CYFIP2: variants seen among roughly 807,000 people sequenced by gnomAD.
CYFIP2 encodes cytoplasmic FMR1-interacting protein 2.
A neutral mutation model predicts 158.7 loss-of-function variants in CYFIP2; 29 were observed. That is an observed-to-expected ratio of 0.18 (90% CI 0.14 to 0.25). The LOEUF is 0.25. Among genes scored for constraint, CYFIP2 ranks in the 10% least tolerant of loss-of-function variants. The pLI is 1.00. For synonymous variants in CYFIP2, 585 were observed against 617.6 expected, an observed-to-expected ratio of 0.95 and a Z score of 0.78; for missense variants, 852 against 1,639.5, an observed-to-expected ratio of 0.52 and a Z score of 8.29.
chr5:157,358,469 T>C (rs1561761930), intron 23 of CYFIP2, among the ~76,000 whole-genome samples: 1 of 152,164 alleles, frequency 6.6e-6, no homozygotes, highest in Non-Finnish European at 1.5e-5. Flanking sequence ...GCTCGAAAAC[T>C]GTAGGTGGTT....
chr5:157,389,097 C>T (rs1766994447), intron 28 of CYFIP2, 92 bp from the exon 29 acceptor site: 1 of 1,262,520 alleles, frequency 7.9e-7, no homozygotes, highest in Admixed American at 2.5e-5. Flanking sequence ...ATTTCAGGTG[C>T]AGCCAGCTCC....
intron 22 of CYFIP2, 44 bp downstream of exon 22, chr5:157,339,300 G>A (rs752520432): frequency 5.7e-6 from 9 of 1,573,614 alleles, no homozygotes; most frequent in Middle Eastern, 2.2e-4. Flanking sequence ...GGGGTTGGGG[G>A]AGTGGCCAGC....
intron 26 of CYFIP2, among the ~76,000 whole-genome samples, chr5:157,377,861 A>G (rs1765639459): frequency 6.6e-6 from 1 of 152,236 alleles, no homozygotes; most frequent in South Asian, 2.1e-4. Context: ...TTCTCAATCA[A>G]TGTTTACATG....
intron 21 of CYFIP2, among the ~76,000 whole-genome samples, chr5:157,335,927 A>C (rs1761820788): frequency 6.6e-6 from 1 of 152,150 alleles, no homozygotes; most frequent in Non-Finnish European, 1.5e-5. Context: ...GTCCAAAAGC[A>C]CTAAATGTTC....
chr5:157,300,605 A>G, intron 5 of CYFIP2, 110 bp from the exon 6 acceptor site: 1 of 989,900 alleles, frequency 1.0e-6, no homozygotes. Context: ...ATTGCCTGGC[A>G]GATTTGCCTT....
At chr5:157,287,748 T>C (rs1287719297) in intron 3 of CYFIP2, among the ~76,000 whole-genome samples, 1 of 152,174 alleles carries the variant, frequency 6.6e-6, no homozygotes, top group Non-Finnish European at 1.5e-5. Context: ...ATGTCTTAGC[T>C]CGTTTTGTGA....
intron 1 of CYFIP2, among the ~76,000 whole-genome samples, chr5:157,281,745 G>A (rs567913962): frequency 1.6e-4 from 24 of 152,024 alleles, no homozygotes; most frequent in Non-Finnish European, 2.4e-4. Context: ...ATGTTTTGAC[G>A]TTTTCAAAGT....
At chr5:157,315,230 T>C (rs887914940) in intron 13 of CYFIP2, 136 bp downstream of exon 13, 7 of 1,229,242 alleles carry the variant, frequency 5.7e-6, no homozygotes, top group Non-Finnish European at 7.6e-6. Context: ...TCTAAATTAA[T>C]CCGTCAGAAG....
intron 19 of CYFIP2, among the ~76,000 whole-genome samples, chr5:157,329,348 A>G (rs1212160560): frequency 1.3e-5 from 2 of 152,238 alleles, no homozygotes; most frequent in East Asian, 1.9e-4. Context: ...CATCATCTAT[A>G]TAAACAGACT....
chr5:157,307,748 C>A lies in CYFIP2; in HGVS notation c.796-13C>A, dbSNP rs771537363. The A allele has an allele frequency of 5.1e-6, 8 of 1,562,976 alleles. No individual in the cohort carries two copies. The South Asian group carries it at 7.9e-5, about 15-fold the overall frequency. ...GTGATTAGTTTCTATGCTCTGCCCTCTTCTCATTCTAGGTGATGGGCTTTG... is the reference window on the plus strand; with the variant it reads ...GTGATTAGTTTCTATGCTCTGCCCTATTCTCATTCTAGGTGATGGGCTTTG... On this transcript the variant is annotated splice_polypyrimidine_tract_variant and intron_variant, in intron 8 of 30. Transcript: ENST00000620254.
At chr5:157,383,477 C>A in intron 28 of CYFIP2, 118 bp downstream of exon 28, 3 of 880,154 alleles carry the variant, frequency 3.4e-6, no homozygotes, top group South Asian at 1.6e-5. Context: ...AAGACAATGT[C>A]CAATACCCAA....
intron 26 of CYFIP2, chr5:157,376,026 C>G (rs1765441891): frequency 6.6e-6 from 1 of 152,570 alleles, no homozygotes; most frequent in African/African-American, 2.4e-5. Context: ...ATGCCCCACT[C>G]CTTTCATATC....
chr5:157,383,239 T>G, intron 27 of CYFIP2, 26 bp from the exon 28 acceptor site: 1 of 1,608,982 alleles, frequency 6.2e-7, no homozygotes, highest in African/African-American at 1.3e-5. Context: ...TGAGTCTCAT[T>G]TTCTGCTCTG....
intron 3 of CYFIP2, among the ~76,000 whole-genome samples, 188 bp downstream of exon 3, chr5:157,287,296 C>G (rs2113849082): frequency 6.6e-6 from 1 of 152,318 alleles, no homozygotes; most frequent in Admixed American, 6.5e-5. Flanking sequence ...ACATACAGTT[C>G]CCCTTTATTG....
At chr5:157,324,712 G>A (rs1045562197) in intron 16 of CYFIP2, 4 of 152,100 alleles carry the variant, frequency 2.6e-5, no homozygotes, top group Non-Finnish European at 4.4e-5. Context: ...GTGGGCACTC[G>A]GGGGCCTGTC....
chr5:157,276,196 G>A (rs1756531890), intron 1 of CYFIP2, among the ~76,000 whole-genome samples: 1 of 152,166 alleles, frequency 6.6e-6, no homozygotes, highest in South Asian at 2.1e-4. Context: ...GAATAGAAAT[G>A]CTAAGAGCAG....
chr5:157,382,626 C>T lies in CYFIP2; in HGVS notation c.3076C>T (p.Pro1026Ser), dbSNP rs1766241208. ...EEVCDLLHAAPFQNILPRVYI... is the reference protein window; with the variant it reads ...EEVCDLLHAASFQNILPRVYI... ...GGTCTGCGATTTGCTCCATGCCGCACCCTTCCAAAACATCTTGCCTAGAGT... is the reference window on the plus strand; with the variant it reads ...GGTCTGCGATTTGCTCCATGCCGCATCCTTCCAAAACATCTTGCCTAGAGT... Residue 1026 changes from proline to serine, a missense_variant, in exon 27 of 31, where the codon CCC becomes TCC. Physicochemically the swap from Pro to Ser is moderately conservative, Grantham distance 74. Around this residue, in one of 8 missense-constraint regions of CYFIP2, gnomAD observed 223 missense variants for 381.6 expected, o/e 0.58. Coordinates refer to ENST00000620254, the MANE Select transcript of CYFIP2 (RefSeq NM_001037333.3). 1 of 1,614,024 alleles carries T rather than the reference C, an allele frequency of 6.2e-7. No individual in the cohort carries two copies. The highest frequency in any genetic ancestry group is 8.5e-7 in the Non-Finnish European group (1 of 1,179,888).
chr5:157,298,617 A>T (rs956112354), intron 5 of CYFIP2, among the ~76,000 whole-genome samples: 2 of 151,360 alleles, frequency 1.3e-5, no homozygotes, highest in Non-Finnish European at 2.9e-5. Context: ...AAGTTCTGGG[A>T]TTACAGACAT....
chr5:157,333,396 T>C lies in CYFIP2; in HGVS notation c.2335T>C (p.Leu779=), dbSNP rs763161686. ...CATCTCTGCCGCCATGTATAAATCC[T>C]TGGACCAAGCTATCAGCCGCTTTGA... ...QRISAAMYKS[L]DQAISRFESE... Residue 779 remains leucine (L), a synonymous_variant, in exon 21 of 31, where the codon TTG becomes CTG. Coordinates refer to ENST00000620254, the MANE Select transcript of CYFIP2 (RefSeq NM_001037333.3). 3.7e-6 allele frequency: 6 copies of C among 1,614,002 alleles called. No homozygotes were observed. The highest frequency in any genetic ancestry group is 5.1e-6 in the Non-Finnish European group (6 of 1,179,886).
Sources: allele counts gnomAD v4.1 joint callset (sites outside exome capture counted in the v4.1 genomes callset), GRCh38; gene constraint gnomAD v4.1.1; regional missense constraint gnomAD v4.1.1; transcripts MANE v1.5; gene names NCBI Gene and HGNC (gene_info 2026-07-23, HGNC 2026-07-21).